LSAMP: variants seen among roughly 807,000 people sequenced by gnomAD.
The protein encoded by LSAMP is limbic system-associated membrane protein.
A neutral mutation model predicts 38.6 loss-of-function variants in LSAMP; 7 were observed. The observed-to-expected ratio is 0.18, with a 90% CI of 0.10 to 0.34. The LOEUF is 0.34. Ranked by LOEUF, LSAMP falls within the 10% of genes least tolerant of loss-of-function variation. The probability of loss-of-function intolerance (pLI) is 1.00; values close to 1 mark genes in which losing one functional copy is unlikely to be tolerated. For synonymous variants in LSAMP, 154 were observed against 166.8 expected (o/e 0.92, Z 0.59); for missense variants, 313 against 420.0 (o/e 0.75, Z 2.23).
At position 116,104,824 on chromosome 3, in the gene LSAMP, G is replaced by C. The variant is rs9869129; in HGVS notation, c.156-18268C>G. Among the ~76,000 whole-genome samples, 1,351 of 152,198 alleles carry C rather than the reference G, an allele frequency of 8.9e-3. 22 individuals carry two copies. The highest frequency in any genetic ancestry group is 0.029 in the African/African-American group (1,219 of 41,522). ...TCTGGGACCTAAATCTACACAAAAA[G>C]ACCTTACAGACATTCCTTCTCTGTC... On this transcript the variant is annotated intron_variant, in intron 1 of 6. Transcript: ENST00000490035.
chr3:116,292,405 A>G (rs1028218110), intron 1 of LSAMP, among the ~76,000 whole-genome samples: 4 of 152,296 alleles, frequency 2.6e-5, no homozygotes, highest in African/African-American at 9.6e-5. Flanking sequence ...ATAAGGATAA[A>G]TGACATTGTA....
chr3:116,124,058 T>G (rs1708952123), intron 1 of LSAMP, among the ~76,000 whole-genome samples: 1 of 152,164 alleles, frequency 6.6e-6, no homozygotes, highest in Non-Finnish European at 1.5e-5. Context: ...AAGCAACAAA[T>G]GCAACATGCT....
chr3:116,136,652 G>T (rs1300699112), intron 1 of LSAMP, among the ~76,000 whole-genome samples: 1 of 151,798 alleles, frequency 6.6e-6, no homozygotes, highest in Non-Finnish European at 1.5e-5. Context: ...ATTCCTGATG[G>T]TATCACCCCT....
chr3:116,324,234 G>A (rs765860753), intron 1 of LSAMP, among the ~76,000 whole-genome samples: 6 of 152,168 alleles, frequency 3.9e-5, no homozygotes, highest in Non-Finnish European at 8.8e-5. Flanking sequence ...CAATGCAAGA[G>A]TATTCATCTC....
chr3:115,842,145 T>C (rs768319962), intron 5 of LSAMP, 152 bp from the exon 6 acceptor site: 2 of 801,596 alleles, frequency 2.5e-6, no homozygotes, highest in Non-Finnish European at 3.9e-6. Flanking sequence ...AACTGTGCAA[T>C]GCCATATTAT....
chr3:115,993,365 G>A (rs72957789), intron 3 of LSAMP, among the ~76,000 whole-genome samples: 37,716 of 151,950 alleles, frequency 0.25, 5,278 homozygotes, highest in African/African-American at 0.39. Flanking sequence ...CTGTGGTGGC[G>A]TATTCATCCT....
At chr3:116,104,807 C>A (rs1708425937) in intron 1 of LSAMP, among the ~76,000 whole-genome samples, 1 of 152,148 alleles carries the variant, frequency 6.6e-6, no homozygotes, top group Non-Finnish European at 1.5e-5. Context: ...CATCTGGGAC[C>A]TAAATCTACA....
At chr3:115,941,013 A>G (rs1400945662) in intron 3 of LSAMP, among the ~76,000 whole-genome samples, 1 of 152,182 alleles carries the variant, frequency 6.6e-6, no homozygotes, top group African/African-American at 2.4e-5. Flanking sequence ...AATGAGAGAA[A>G]ATATTTGTAA....
chr3:116,027,360 T>C (rs1355218981), intron 2 of LSAMP, among the ~76,000 whole-genome samples: 1 of 152,170 alleles, frequency 6.6e-6, no homozygotes, highest in Non-Finnish European at 1.5e-5. Context: ...CACTAATTAT[T>C]TGAGGTTATT....
intron 6 of LSAMP, among the ~76,000 whole-genome samples, chr3:115,819,540 A>G (rs1172554782): frequency 6.6e-6 from 1 of 152,182 alleles, no homozygotes; most frequent in Admixed American, 6.5e-5. Context: ...GTAAGAATCT[A>G]CATGTTCTAA....
intron 3 of LSAMP, among the ~76,000 whole-genome samples, chr3:115,981,064 C>T (rs1939344022): frequency 1.3e-5 from 2 of 152,104 alleles, no homozygotes; most frequent in African/African-American, 4.8e-5. Context: ...CCCACTTAAA[C>T]CTCATAAACT....
chr3:115,828,410 G>C lies in LSAMP; in HGVS notation c.919+13435C>G, dbSNP rs909609917. 2.6e-5 allele frequency among the ~76,000 whole-genome samples: 4 copies of C among 152,224 alleles called. No homozygotes were observed. The East Asian group carries it at 7.7e-4, about 29-fold the overall frequency. ...TTAAAAAGGACTCTCACTCCATACA[G>C]TCTCTGAACCCAGAACTAAGTTCCC... On this transcript the variant is annotated intron_variant, in intron 6 of 6. Coordinates refer to ENST00000490035, the MANE Select transcript of LSAMP (RefSeq NM_002338.5).
intron 1 of LSAMP, among the ~76,000 whole-genome samples, chr3:116,162,647 T>C (rs556097727): frequency 1.4e-5 from 2 of 137,994 alleles, no homozygotes; most frequent in Admixed American, 1.4e-4. Flanking sequence ...GTGTACATTA[T>C]ATATATATAT....
intron 1 of LSAMP, among the ~76,000 whole-genome samples, chr3:116,195,294 C>T (rs759704948): frequency 6.6e-6 from 1 of 152,126 alleles, no homozygotes; most frequent in African/African-American, 2.4e-5. Flanking sequence ...ATTGAATGTT[C>T]TTTATTTTAA....
intron 3 of LSAMP, among the ~76,000 whole-genome samples, chr3:116,019,222 G>C (rs557912796): frequency 6.6e-6 from 1 of 150,666 alleles, no homozygotes; most frequent in Admixed American, 6.6e-5. Context: ...TTGATAGATA[G>C]ATAGACAGAT....
intron 3 of LSAMP, among the ~76,000 whole-genome samples, chr3:115,887,796 C>A (rs1253984892): frequency 1.3e-5 from 2 of 151,816 alleles, no homozygotes; most frequent in African/African-American, 4.8e-5. Context: ...GAGCAGGCGA[C>A]CTTGGGGAGA....
At chr3:116,370,795 T>A (rs1264122416) in intron 1 of LSAMP, among the ~76,000 whole-genome samples, 1 of 152,124 alleles carries the variant, frequency 6.6e-6, no homozygotes. Context: ...CAGAAGTTGG[T>A]TCTTCAATAA....
chr3:116,204,605 C>T (rs2107597705), intron 1 of LSAMP, among the ~76,000 whole-genome samples: 1 of 152,128 alleles, frequency 6.6e-6, no homozygotes, highest in Non-Finnish European at 1.5e-5. Context: ...GATCCAGTTT[C>T]ATCTTTCTCC....
intron 1 of LSAMP, among the ~76,000 whole-genome samples, chr3:116,185,503 G>T (rs1427242951): frequency 6.6e-6 from 1 of 151,738 alleles, no homozygotes; most frequent in African/African-American, 2.4e-5. Context: ...ATCATACTGG[G>T]TTTTCTTTAT....
Sources: gnomAD v4.1 joint callset for allele counts (sites outside exome capture counted in the v4.1 genomes callset) on GRCh38, gnomAD v4.1.1 for gene constraint, MANE v1.5 for transcripts, NCBI Gene and HGNC (gene_info 2026-07-23, HGNC 2026-07-21) for gene names.